Variants in TRIM23 observed in about 807,000 individuals in gnomAD.
The protein encoded by TRIM23 is tripartite motif containing 23.
Under a neutral mutation model 71.0 loss-of-function variants are expected in TRIM23, and 27 were observed. The ratio of observed to expected loss-of-function variants is 0.38; its 90% CI spans 0.28 to 0.52. The LOEUF is 0.52. Among genes scored for constraint, TRIM23 ranks in the 20% least tolerant of loss-of-function variants. The probability of loss-of-function intolerance (pLI) is 0.84; values close to 1 mark genes in which losing one functional copy is unlikely to be tolerated. For missense variants in TRIM23, 482 were observed against 692.3 expected (o/e 0.70, Z 3.41); for synonymous variants, 234 against 238.0 (o/e 0.98, Z 0.16).
chr5:65,613,727 A>T, intron 3 of TRIM23: 1 of 1,191,220 alleles, frequency 8.4e-7, no homozygotes, highest in Non-Finnish European at 1.1e-6. Flanking sequence ...GGCCTCTTAC[A>T]TCGAGTTTTT....
At chr5:65,595,332 CG>C (rs1754170896) in intron 9 of TRIM23, among the ~76,000 whole-genome samples, 1 of 151,746 alleles carries the variant, frequency 6.6e-6, no homozygotes, top group African/African-American at 2.4e-5. Flanking sequence ...CCAAGACGGG[CG>C]GATCACGAGG....
intron 5 of TRIM23, among the ~76,000 whole-genome samples, chr5:65,609,673 T>C (rs77284639): frequency 6.6e-6 from 1 of 152,138 alleles, no homozygotes; most frequent in South Asian, 2.1e-4. Context: ...AAGGCTGCAG[T>C]GAGTGGTGAT....
intron 2 of TRIM23, among the ~76,000 whole-genome samples, chr5:65,616,397 G>A (rs912662495): frequency 2.6e-5 from 4 of 152,078 alleles, no homozygotes; most frequent in African/African-American, 9.7e-5. Flanking sequence ...TGTAATCCCA[G>A]CACTTTGGGA....
At chr5:65,619,059 C>G (rs979748965) in intron 1 of TRIM23, among the ~76,000 whole-genome samples, 2 of 152,138 alleles carry the variant, frequency 1.3e-5, no homozygotes, top group Admixed American at 1.3e-4. Flanking sequence ...GTGTTTCATA[C>G]CTTGCATTAA....
intron 6 of TRIM23, among the ~76,000 whole-genome samples, chr5:65,608,759 A>G (rs1019970540): frequency 2.0e-5 from 3 of 152,324 alleles, no homozygotes; most frequent in African/African-American, 7.2e-5. Context: ...ATCACAAAAC[A>G]TACGTTTGCT....
At position 65,592,640 on chromosome 5, in the gene TRIM23, C is replaced by T. The variant is rs1325541618; in HGVS notation, c.1546-692G>A. On this transcript the variant is annotated intron_variant, in intron 10 of 10. Transcript: ENST00000231524. ...GAGTTCACTACATTCCCACTCTGAACACCCATTGCCCCAACTTCCCAGGAG... is the reference window on the plus strand; with the variant it reads ...GAGTTCACTACATTCCCACTCTGAATACCCATTGCCCCAACTTCCCAGGAG... Among the ~76,000 whole-genome samples, 9 of 152,144 alleles carry T rather than the reference C, an allele frequency of 5.9e-5. No individual in the cohort carries two copies. In the East Asian group the frequency reaches 1.7e-3, roughly 29 times the overall value.
chr5:65,604,402 T>C (rs1167682537), intron 7 of TRIM23, among the ~76,000 whole-genome samples: 7 of 152,210 alleles, frequency 4.6e-5, no homozygotes, highest in East Asian at 1.9e-4. Context: ...GCCCCAATTA[T>C]GTTTTTAAAA....
At chr5:65,623,057 C>G (rs1265454426) in intron 1 of TRIM23, among the ~76,000 whole-genome samples, 1 of 152,174 alleles carries the variant, frequency 6.6e-6, no homozygotes, top group Non-Finnish European at 1.5e-5. Flanking sequence ...AGAATAACTT[C>G]ATTAGTACCT....
chr5:65,617,428 T>C (rs1754803908), intron 2 of TRIM23, among the ~76,000 whole-genome samples: 2 of 152,196 alleles, frequency 1.3e-5, no homozygotes. Flanking sequence ...CCTTAAACTC[T>C]TTTGGAGAAA....
chr5:65,590,348 GC>G lies in TRIM23; in HGVS notation c.*1420del. On this transcript the variant is annotated 3_prime_UTR_variant, in exon 11 of 11. Transcript: ENST00000231524. ...TATTACATTTATTTATTTACATATT[GC>G]CCATAATACTGATAGGCTTTTTTTT... is the stretch of plus-strand genomic sequence containing the variant. 1.4e-6 allele frequency: 2 copies of G among 1,459,868 alleles called. No homozygotes were observed. The highest frequency in any genetic ancestry group is 1.9e-6 in the Non-Finnish European group (2 of 1,074,908). The allele number at this position is 1,459,868 out of a possible 1,614,324, so 90.4% of individuals were successfully genotyped here.
In TRIM23 at chr5:65,591,775, A is replaced by C. The variant is rs35769160; in HGVS notation, c.1719T>G (p.Val573=). The C allele has an allele frequency of 1.2e-4, 185 of 1,605,176 alleles. No homozygotes were observed. The highest frequency in any genetic ancestry group is 2.1e-5 in the Non-Finnish European group (25 of 1,174,828). ...ACAACTGCTGCCTTTAAAATCAAGC[A>C]ACATCCAATACTCCAGCAGCTACAA... is the stretch of plus-strand genomic sequence containing the variant. ...RQLVAAGVLD[V]A is the part of the protein sequence containing the mutation. Residue 573 remains valine (V), a synonymous_variant, in exon 11 of 11, where the codon GTT becomes GTG. Transcript: ENST00000231524.
chr5:65,598,554 A>C (rs1303182980), intron 7 of TRIM23, among the ~76,000 whole-genome samples: 1 of 152,242 alleles, frequency 6.6e-6, no homozygotes, highest in Admixed American at 6.5e-5. Context: ...GTTCGAGACC[A>C]GCCTGACCAA....
In TRIM23 at chr5:65,591,164, A is replaced by T. The variant is rs1022931351; in HGVS notation, c.*605T>A. ...ATACAAAATGCTGTAGGAGAAAGTT[A>T]ATAAAACACTATATAAAGTATTAAT... On this transcript the variant is annotated 3_prime_UTR_variant, in exon 11 of 11. Transcript: ENST00000231524. 1.8e-5 allele frequency: 19 copies of T among 1,071,842 alleles called. No individual in the cohort carries two copies. Among genetic ancestry groups the T allele is most frequent in the Non-Finnish European group, 2.1e-5 (19 of 885,244 alleles). The allele number at this position is 1,071,842 out of a possible 1,614,324, so 66.4% of individuals were successfully genotyped here.
At chr5:65,596,734 C>T (rs1226656723) in intron 8 of TRIM23, among the ~76,000 whole-genome samples, 1 of 152,092 alleles carries the variant, frequency 6.6e-6, no homozygotes, top group Non-Finnish European at 1.5e-5. Flanking sequence ...TAAACCTCCA[C>T]CAAGGTCCTT....
chr5:65,621,148 TGA>T (rs1408377351), intron 1 of TRIM23, among the ~76,000 whole-genome samples: 1 of 152,150 alleles, frequency 6.6e-6, no homozygotes, highest in African/African-American at 2.4e-5. Context: ...GTCAGGAGAT[TGA>T]GACCATCCTG....
rs1158337590 is a variant in TRIM23 at position 65,594,556 on chromosome 5, G to A, written c.1510C>T (p.Arg504Ter). The change falls in exon 10 of 11, where the codon CGA becomes TGA. Residue 504 changes from arginine (R) to a stop codon, truncating the protein, a stop_gained. Transcript: ENST00000231524. LOFTEE classifies it high-confidence loss of function. ...LAKLLTEKELRDALLLIFANK... is the reference protein window; with the variant it reads ...LAKLLTEKEL ...GCAAAAATCAGGAGCAGAGCATCTC[G>A]GAGTTCTTTTTCCGTTAACAACTTT... 5.0e-6 allele frequency: 8 copies of A among 1,612,148 alleles called. No individual in the cohort carries two copies. The highest frequency in any genetic ancestry group is 2.2e-5 in the South Asian group (2 of 90,670).
At position 65,604,130 on chromosome 5, in the gene TRIM23, CTT is replaced by C. The variant is rs750117555; in HGVS notation, c.1179+779_1179+780del. Among the ~76,000 whole-genome samples the C allele has an allele frequency of 1.7e-3, 258 of 152,128 alleles. 1 individual carries two copies. The highest frequency in any genetic ancestry group is 4.2e-3 in the African/African-American group (174 of 41,502). ...TTTGTTTTTGAGGCAGGGTTTTGCTCTTGTTACCCAGGCTGAAGTGCAGTGGC... is the reference window on the plus strand; with the variant it reads ...TTTGTTTTTGAGGCAGGGTTTTGCTCGTTACCCAGGCTGAAGTGCAGTGGC... On this transcript the variant is annotated intron_variant, in intron 7 of 10. Transcript: ENST00000231524.
At chr5:65,623,955 C>A (rs1168748707) in intron 1 of TRIM23, among the ~76,000 whole-genome samples, 1 of 152,236 alleles carries the variant, frequency 6.6e-6, no homozygotes, top group Non-Finnish European at 1.5e-5. Context: ...CTGCCACTGG[C>A]CCGCAAGCTC....
intron 7 of TRIM23, among the ~76,000 whole-genome samples, chr5:65,602,966 G>C (rs779596641): frequency 4.0e-4 from 61 of 152,114 alleles, no homozygotes; most frequent in Admixed American, 6.6e-4. Context: ...ACATGCAATG[G>C]AATATTATTC....
Sources: gnomAD v4.1 joint callset for allele counts (sites outside exome capture counted in the v4.1 genomes callset) on GRCh38, gnomAD v4.1.1 for gene constraint, MANE v1.5 for transcripts, NCBI Gene and HGNC (gene_info 2026-07-23, HGNC 2026-07-21) for gene names.